CNTNAP2: variants seen among roughly 807,000 people sequenced by gnomAD.
CNTNAP2 encodes the protein contactin-associated protein-like 2.
Under a neutral mutation model 155.2 loss-of-function variants are expected in CNTNAP2, and 98 were observed. That is an observed-to-expected ratio of 0.63 (90% CI 0.54 to 0.75). The LOEUF (loss-of-function observed/expected upper bound fraction) is 0.75. Ranked by LOEUF, CNTNAP2 falls within the 30% of genes least tolerant of loss-of-function variation. The pLI, the probability that CNTNAP2 is intolerant of heterozygous loss-of-function variation, is 0.00. For missense variants in CNTNAP2, 1,727 were observed against 1,688.1 expected (o/e 1.02, Z -0.40); for synonymous variants, 651 against 631.2 (o/e 1.03, Z -0.47).
intron 13 of CNTNAP2, among the ~76,000 whole-genome samples, chr7:147,756,064 A>G (rs1468994073): frequency 6.6e-6 from 1 of 152,218 alleles, no homozygotes; most frequent in Non-Finnish European, 1.5e-5. Context: ...GCAGTATGGT[A>G]TTACTTGGGA....
intron 11 of CNTNAP2, among the ~76,000 whole-genome samples, chr7:147,500,525 T>C: frequency 6.6e-6 from 1 of 152,196 alleles, no homozygotes; most frequent in Non-Finnish European, 1.5e-5. Context: ...CAGGTGCTTT[T>C]CATCTTTGAA....
At chr7:147,084,002 T>C (rs562622288) in intron 4 of CNTNAP2, among the ~76,000 whole-genome samples, 1 of 131,152 alleles carries the variant, frequency 7.6e-6, no homozygotes, top group East Asian at 2.9e-4. Context: ...ATAATACATA[T>C]ATACATAATG....
chr7:147,853,237 C>T (rs55714492), intron 13 of CNTNAP2, among the ~76,000 whole-genome samples: 46,904 of 152,054 alleles, frequency 0.31, 7,765 homozygotes, highest in South Asian at 0.41. Flanking sequence ...GGAGACAAGT[C>T]TGAATTAGAA....
intron 4 of CNTNAP2, among the ~76,000 whole-genome samples, chr7:147,056,808 T>C (rs76596973): frequency 0.011 from 1,745 of 152,230 alleles, 28 homozygotes; most frequent in Middle Eastern, 0.037. Flanking sequence ...TCTCACTCTG[T>C]CACCGAGTCT....
In CNTNAP2 at chr7:148,225,798, A is replaced by G. The variant is rs1219780137; in HGVS notation, c.3248-3848A>G. 2.6e-5 allele frequency among the ~76,000 whole-genome samples: 4 copies of G among 152,256 alleles called. No individual in the cohort carries two copies. In the East Asian group the frequency reaches 7.7e-4, roughly 29 times the overall value. On this transcript the variant is annotated intron_variant, in intron 19 of 23. Coordinates refer to ENST00000361727, the MANE Select transcript of CNTNAP2 (RefSeq NM_014141.6). ...ATATTTTGAAGATCAAGCCAAGAAG[A>G]CTTGGTGTCAGATGACACATGTCAT...
chr7:146,706,649 A>G (rs1800970469), intron 1 of CNTNAP2, among the ~76,000 whole-genome samples: 1 of 152,136 alleles, frequency 6.6e-6, no homozygotes, highest in Non-Finnish European at 1.5e-5. Flanking sequence ...CATTATCCTT[A>G]GCAAACTAAC....
chr7:147,835,979 T>C (rs753661150), intron 13 of CNTNAP2, among the ~76,000 whole-genome samples: 1 of 152,184 alleles, frequency 6.6e-6, no homozygotes, highest in Non-Finnish European at 1.5e-5. Flanking sequence ...GCCTCCATTG[T>C]GGACTTCTGG....
intron 20 of CNTNAP2, among the ~76,000 whole-genome samples, chr7:148,234,471 GA>G (rs1387026551): frequency 3.9e-5 from 6 of 152,172 alleles, no homozygotes; most frequent in Non-Finnish European, 7.3e-5. Context: ...TATTTCTTCA[GA>G]TTTTTTTAAA....
rs138831239 is a variant in CNTNAP2 at position 146,460,269 on chromosome 7, T to G, written c.98-314002T>G. On this transcript the variant is annotated intron_variant, in intron 1 of 23. Coordinates refer to ENST00000361727, the MANE Select transcript of CNTNAP2 (RefSeq NM_014141.6). ...AAAAATTATAACAAGGATTATTAAT[T>G]CTTATTAAGTGTTAACAAGCATGTG... Among the ~76,000 whole-genome samples the G allele has an allele frequency of 7.3e-4, 111 of 152,330 alleles. 1 individual carries two copies. Among genetic ancestry groups the G allele is most frequent in the East Asian group, 4.8e-3 (25 of 5,186 alleles).
chr7:147,191,033 A>G (rs1802669805), intron 8 of CNTNAP2, among the ~76,000 whole-genome samples: 1 of 152,184 alleles, frequency 6.6e-6, no homozygotes. Context: ...TATTAGATGA[A>G]ATACTCTAAA....
At chr7:147,735,458 G>T (rs970629738) in intron 13 of CNTNAP2, among the ~76,000 whole-genome samples, 2 of 152,120 alleles carry the variant, frequency 1.3e-5, no homozygotes, top group Non-Finnish European at 1.5e-5. Context: ...GGTCAATTTT[G>T]GAGTAAGTGC....
intron 21 of CNTNAP2, among the ~76,000 whole-genome samples, chr7:148,380,559 A>G (rs1379215748): frequency 6.6e-6 from 1 of 152,226 alleles, no homozygotes; most frequent in African/African-American, 2.4e-5. Flanking sequence ...AGAAATATCA[A>G]AAGTCTACAT....
chr7:146,127,573 T>C (rs1797654734), intron 1 of CNTNAP2, among the ~76,000 whole-genome samples: 1 of 152,236 alleles, frequency 6.6e-6, no homozygotes, highest in Non-Finnish European at 1.5e-5. Flanking sequence ...TTACAACTTC[T>C]GCAACCCTTT....
At chr7:147,779,732 T>C (rs751454648) in intron 13 of CNTNAP2, among the ~76,000 whole-genome samples, 6 of 152,180 alleles carry the variant, frequency 3.9e-5, no homozygotes, top group Admixed American at 6.6e-5. Flanking sequence ...GAGTAATATG[T>C]TTTGAAAAAT....
chr7:147,476,114 T>C (rs1244613832), intron 10 of CNTNAP2, among the ~76,000 whole-genome samples: 2 of 152,018 alleles, frequency 1.3e-5, no homozygotes, highest in East Asian at 1.9e-4. Flanking sequence ...TTTATTTATT[T>C]ATTTATTTTG....
chr7:147,382,689 G>A (rs1285332048), intron 9 of CNTNAP2, among the ~76,000 whole-genome samples: 2 of 152,090 alleles, frequency 1.3e-5, no homozygotes, highest in East Asian at 3.9e-4. Flanking sequence ...TTTGGATAAG[G>A]TCTTTATTAA....
At chr7:148,311,580 G>A (rs1022338047) in intron 21 of CNTNAP2, among the ~76,000 whole-genome samples, 8 of 152,122 alleles carry the variant, frequency 5.3e-5, no homozygotes, top group African/African-American at 1.4e-4. Flanking sequence ...AGTCCTGGGC[G>A]GGGGCAAATC....
intron 3 of CNTNAP2, among the ~76,000 whole-genome samples, chr7:146,866,944 C>T (rs539908527): frequency 2.0e-4 from 30 of 152,136 alleles, no homozygotes; most frequent in Non-Finnish European, 4.0e-4. Flanking sequence ...TATTACATAT[C>T]ATTTTATAAA....
At chr7:148,201,419 T>C (rs1225461157) in intron 18 of CNTNAP2, among the ~76,000 whole-genome samples, 1 of 152,232 alleles carries the variant, frequency 6.6e-6, no homozygotes, top group African/African-American at 2.4e-5. Flanking sequence ...TTTTCTAATA[T>C]TGCTCAGCTC....
Sources: allele counts gnomAD v4.1 joint callset (sites outside exome capture counted in the v4.1 genomes callset), GRCh38; gene constraint gnomAD v4.1.1; transcripts MANE v1.5; gene names NCBI Gene and HGNC (gene_info 2026-07-23, HGNC 2026-07-21).